The following KRT73 variants were observed in gnomAD, a reference collection of about 807,000 sequenced individuals.
The protein encoded by KRT73 is keratin, type II cytoskeletal 73.
In KRT73, 44 loss-of-function variants were observed where a neutral mutation model predicts 47.2. The ratio of observed to expected loss-of-function variants is 0.93; its 90% CI spans 0.73 to 1.20. The LOEUF is 1.20. KRT73 is among the 50% of genes most tolerant of loss of function. The pLI is 0.00. For synonymous variants in KRT73, 285 were observed against 291.3 expected (o/e 0.98, Z 0.22); for missense variants, 713 against 704.5 (o/e 1.01, Z -0.14).
the KRT73 span, among the ~76,000 whole-genome samples, chr12:52,624,417 T>C: frequency 1.7e-3 from 265 of 152,232 alleles, 1 homozygote; most frequent in Middle Eastern, 0.01. Context: ...CAGGATCTAA[T>C]TGATATTTAT....
At chr12:52,611,949 T>A (rs1344549888) in intron 5 of KRT73, among the ~76,000 whole-genome samples, 1 of 152,210 alleles carries the variant, frequency 6.6e-6, no homozygotes, top group Admixed American at 6.5e-5. Context: ...TCCATAGGTC[T>A]CCCCACACTG....
In KRT73 at chr12:52,615,193, C is replaced by T. The variant is rs560257971; in HGVS notation, c.723+86G>A. On this transcript the variant is annotated intron_variant, in intron 3 of 8. Coordinates refer to ENST00000305748, the MANE Select transcript of KRT73 (RefSeq NM_175068.3). ...AGCACTTTGGCTCCAGGCCCTTCTGCGGGGGGCTCAGACCTCAGCTGCTCC... is the reference window on the plus strand; with the variant it reads ...AGCACTTTGGCTCCAGGCCCTTCTGTGGGGGGCTCAGACCTCAGCTGCTCC... 75 of 1,187,190 alleles carry T rather than the reference C, an allele frequency of 6.3e-5. No homozygotes were observed. In the South Asian group the frequency reaches 7.3e-4, roughly 12 times the overall value. The allele number at this position is 1,187,190 out of a possible 1,614,324, so 73.5% of individuals were successfully genotyped here.
At chr12:52,616,837 G>A (rs1940825049) in intron 1 of KRT73, among the ~76,000 whole-genome samples, 1 of 152,190 alleles carries the variant, frequency 6.6e-6, no homozygotes, top group South Asian at 2.1e-4. Context: ...TCCCAGCCCA[G>A]CCAGAGGCAG....
upstream of KRT73, among the ~76,000 whole-genome samples, chr12:52,620,109 CT>C (rs10638831): frequency 0.19 from 17,805 of 94,104 alleles, 474 homozygotes; most frequent in Non-Finnish European, 0.21. Flanking sequence ...TCCTTTTTTT[CT>C]TTTTTTTTTT....
At chr12:52,610,894 C>A in intron 6 of KRT73, 59 bp from the exon 7 acceptor site, 2 of 1,407,464 alleles carry the variant, frequency 1.4e-6, no homozygotes, top group Non-Finnish European at 9.8e-7. Flanking sequence ...CTTCACCTCT[C>A]CCATGCTCTC....
rs776314869 is a variant in KRT73 at position 52,610,622 on chromosome 12, C to T, written c.1324G>A (p.Glu442Lys). The T allele has an allele frequency of 6.2e-7, 1 of 1,608,790 alleles. No individual in the cohort carries two copies. The highest frequency in any genetic ancestry group is 8.5e-7 in the Non-Finnish European group (1 of 1,177,332). Residue 442 changes from glutamate (E) to lysine (K), a missense_variant, in exon 7 of 9, where the codon GAG becomes AAG. Physicochemically the swap from Glu to Lys is moderately conservative, Grantham distance 56. Coordinates refer to ENST00000305748, the MANE Select transcript of KRT73 (RefSeq NM_175068.3). The part of the protein sequence containing the change: ...ATYRKLLEGE[E>K]CRMSGEYTNS... ...TCCCTCGGTCCCACCCACCTGCACT[C>T]CTCGCCCTCCAGCAGCTTGCGGTAG... is the stretch of plus-strand genomic sequence containing the variant.
the KRT73 span, among the ~76,000 whole-genome samples, chr12:52,626,818 C>T: frequency 6.6e-6 from 1 of 152,168 alleles, no homozygotes; most frequent in Non-Finnish European, 1.5e-5. Flanking sequence ...GGATGACCAA[C>T]ATTTTCCATT....
At chr12:52,621,816 C>G (rs1025844813), upstream of KRT73, among the ~76,000 whole-genome samples, 1 of 152,124 alleles carries the variant, frequency 6.6e-6, no homozygotes, top group Non-Finnish European at 1.5e-5. Flanking sequence ...GCCCCAACTG[C>G]CCCCTCCCCC....
chr12:52,617,968 A>G, intron 1 of KRT73, 110 bp downstream of exon 1: 1 of 1,235,422 alleles, frequency 8.1e-7, no homozygotes, highest in Non-Finnish European at 1.1e-6. Context: ...TTTTGCTGGG[A>G]GAAAATGATT....
At chr12:52,610,529 G>GCACCCCCC in intron 7 of KRT73, 86 bp downstream of exon 7, 1 of 295,154 alleles carries the variant, frequency 3.4e-6, no homozygotes, top group Non-Finnish European at 6.8e-6. Flanking sequence ...CCAGCTCGCC[G>GCACCCCCC]CCCCCTCCCC....
chr12:52,611,481 A>T, intron 5 of KRT73, 152 bp from the exon 6 acceptor site: 1 of 806,200 alleles, frequency 1.2e-6, no homozygotes, highest in Middle Eastern at 3.6e-4. Flanking sequence ...CCATTAAAGC[A>T]TTGGGCCATT....
chr12:52,618,300 C>A lies in KRT73; in HGVS notation c.225G>T (p.Arg75=). Residue 75 remains arginine (R), a synonymous_variant, in exon 1 of 9, where the codon CGG becomes CGT. Coordinates refer to ENST00000305748, the MANE Select transcript of KRT73 (RefSeq NM_175068.3). ...TGCCAGCAAAGCCACTGGCCCGGCCCCGGCCAAATCCATAGCCTCCTGCCC... is the reference window on the plus strand; with the variant it reads ...TGCCAGCAAAGCCACTGGCCCGGCCACGGCCAAATCCATAGCCTCCTGCCC... ...SGWAGGYGFG[R]GRASGFAGSM... is the part of the protein sequence containing the mutation. 6.2e-7 allele frequency: 1 copy of A among 1,614,232 alleles called. No individual in the cohort carries two copies. Among genetic ancestry groups the A allele is most frequent in the Non-Finnish European group, 8.5e-7 (1 of 1,180,038 alleles).
the KRT73 span, among the ~76,000 whole-genome samples, chr12:52,627,569 C>T: frequency 3.9e-5 from 6 of 152,142 alleles, no homozygotes; most frequent in South Asian, 2.1e-4. Context: ...AAGCAGGAGA[C>T]GAAACAGGAG....
chr12:52,611,610 G>A (rs572664776), intron 5 of KRT73, among the ~76,000 whole-genome samples: 3 of 152,246 alleles, frequency 2.0e-5, no homozygotes, highest in East Asian at 1.9e-4. Context: ...CAATTATGAC[G>A]TTCCTCTGCC....
At position 52,611,215 on chromosome 12, in the gene KRT73, C is replaced by T; in HGVS notation, c.1099G>A (p.Val367Met). The T allele has an allele frequency of 6.2e-7, 1 of 1,614,212 alleles. No individual in the cohort carries two copies. The highest frequency in any genetic ancestry group is 8.5e-7 in the Non-Finnish European group (1 of 1,180,042). The part of the protein sequence containing the change: ...IQRLRSEIES[V>M]KKQCANLETA... ...CCAGTCCCCTTCACCTGCTTCTTCA[C>T]ACTCTCAATCTCCGAGCGCAGTCTT... Residue 367 changes from valine (V) to methionine (M), a missense_variant, in exon 6 of 9, where the codon GTG becomes ATG. Val to Met is a conservative substitution (Grantham distance 21, BLOSUM62 1). Transcript: ENST00000305748.
At chr12:52,614,143 A>G (rs1017162623) in intron 4 of KRT73, 1 of 380,912 alleles carries the variant, frequency 2.6e-6, no homozygotes, top group Non-Finnish European at 4.7e-6. Context: ...CACATGGGAC[A>G]CTAAGGGGCA....
At position 52,610,628 on chromosome 12, in the gene KRT73, C is replaced by T. The variant is rs1940678736; in HGVS notation, c.1318G>A (p.Gly440Ser). The change falls in exon 7 of 9, where the codon GGC becomes AGC. Residue 440 changes from glycine to serine, a missense_variant. By Grantham distance (56) the Gly-to-Ser change is moderately conservative (BLOSUM62 0). Transcript: ENST00000305748. ...GGTCCCACCCACCTGCACTCCTCGC[C>T]CTCCAGCAGCTTGCGGTAGGTGGCG... ...EIATYRKLLE[G>S]EECRMSGEYT... 1 of 1,613,008 alleles carries T rather than the reference C, an allele frequency of 6.2e-7. No individual in the cohort carries two copies. Among genetic ancestry groups the T allele is most frequent in the South Asian group, 1.1e-5 (1 of 90,998 alleles).
chr12:52,619,015 C>T (rs1940864688), upstream of KRT73, among the ~76,000 whole-genome samples: 1 of 152,224 alleles, frequency 6.6e-6, no homozygotes, highest in South Asian at 2.1e-4. Context: ...CTGCTGCTGC[C>T]TGGCTTCCCA....
Position 52,611,187 on chromosome 12 carries a change from G to C in KRT73, c.1110+17C>G. On this transcript the variant is annotated intron_variant, in intron 6 of 8. Coordinates refer to ENST00000305748, the MANE Select transcript of KRT73 (RefSeq NM_175068.3). ...CCTCCCTTAGGAGTGAGTAAGGAAG[G>C]CTCCAGTCCCCTTCACCTGCTTCTT... 3 of 1,613,978 alleles carry C rather than the reference G, an allele frequency of 1.9e-6. No individual in the cohort carries two copies. Among genetic ancestry groups the C allele is most frequent in the Non-Finnish European group, 2.5e-6 (3 of 1,179,944 alleles).
Sources: allele counts gnomAD v4.1 joint callset (sites outside exome capture counted in the v4.1 genomes callset), GRCh38; gene constraint gnomAD v4.1.1; transcripts MANE v1.5; gene names NCBI Gene and HGNC (gene_info 2026-07-23, HGNC 2026-07-21).